MGST1: variants seen among roughly 807,000 people sequenced by gnomAD.
MGST1 encodes microsomal glutathione S-transferase 1, also known as glutathione S-transferase 12.
In MGST1, 5 loss-of-function variants were observed where a neutral mutation model predicts 8.9. That is an observed-to-expected ratio of 0.56 (90% CI 0.29 to 1.19). The LOEUF (loss-of-function observed/expected upper bound fraction) is 1.19, where lower values mean the gene tolerates loss of function less well. Among genes scored for constraint, MGST1 ranks in the 50% most tolerant of loss-of-function variants. The probability of loss-of-function intolerance (pLI) is 0.08; values close to 1 mark genes in which losing one functional copy is unlikely to be tolerated. For missense variants in MGST1, 182 were observed against 187.4 expected (o/e 0.97, Z 0.17); for synonymous variants, 54 against 67.8 (o/e 0.80, Z 1.00).
chr12:16,444,040 G>A (rs537098720), intron 4 of MGST1, among the ~76,000 whole-genome samples: 13 of 151,970 alleles, frequency 8.6e-5, no homozygotes, highest in Non-Finnish European at 1.5e-4. Flanking sequence ...GTCAGATAGC[G>A]TAGCCAGATT....
intron 1 of MGST1, among the ~76,000 whole-genome samples, chr12:16,397,705 G>C (rs1940617237): frequency 6.7e-6 from 1 of 149,958 alleles, no homozygotes; most frequent in South Asian, 2.1e-4. Context: ...CTAATGATCA[G>C]TAATGATCAG....
In MGST1 at chr12:16,479,535, C is replaced by CTTTTTTT. The variant is rs71054820; in HGVS notation, n.482+95941_482+95947dup. 6.5e-4 allele frequency among the ~76,000 whole-genome samples: 73 copies of CTTTTTTT among 113,060 alleles called. 3 individuals carry two copies. Among genetic ancestry groups the CTTTTTTT allele is most frequent in the African/African-American group, 1.4e-3 (37 of 26,036 alleles). The allele number at this position is 113,060 out of a possible 152,430, so 74.2% of individuals were successfully genotyped here. A position where few individuals can be genotyped will look rare whatever the true frequency, so the allele number is the denominator to read the frequency against. On this transcript the variant is annotated intron_variant and non_coding_transcript_variant, in intron 4 of 4. Transcript: ENST00000538857. ...AGGCGTGAGCCACTGCGCCCGGCCTCTTTTTTTTTTTTTTTTGAGACAGGG... is the reference window on the plus strand; with the variant it reads ...AGGCGTGAGCCACTGCGCCCGGCCTCTTTTTTTTTTTTTTTTTTTTTTTGAGACAGGG...
At chr12:16,439,805 C>T (rs183938982), downstream of MGST1, among the ~76,000 whole-genome samples, 475 of 151,760 alleles carry the variant, frequency 3.1e-3, 3 homozygotes, top group African/African-American at 0.01. Context: ...AATTAGAAAC[C>T]TTACTCATAT....
At chr12:16,487,796 A>T (rs1206717325) in intron 4 of MGST1, among the ~76,000 whole-genome samples, 1 of 152,166 alleles carries the variant, frequency 6.6e-6, no homozygotes, top group East Asian at 1.9e-4. Context: ...ACAGGTGTGC[A>T]CAACCACACC....
chr12:16,396,768 T>C (rs1249538211), intron 1 of MGST1, among the ~76,000 whole-genome samples: 1 of 152,094 alleles, frequency 6.6e-6, no homozygotes, highest in East Asian at 1.9e-4. Context: ...TACAAAACAA[T>C]GCTGAAAGAA....
chr12:16,457,001 C>T (rs1666515444), intron 4 of MGST1, among the ~76,000 whole-genome samples: 1 of 151,878 alleles, frequency 6.6e-6, no homozygotes, highest in Non-Finnish European at 1.5e-5. Context: ...CACGCGTGTC[C>T]TAAACCTGAC....
intron 4 of MGST1, among the ~76,000 whole-genome samples, chr12:16,469,680 G>A (rs1941280287): frequency 6.6e-6 from 1 of 152,138 alleles, no homozygotes; most frequent in African/African-American, 2.4e-5. Context: ...CTAAGGCTGT[G>A]GTCTTCACTG....
At chr12:16,404,510 C>T (rs1046181765) in intron 1 of MGST1, among the ~76,000 whole-genome samples, 1 of 151,472 alleles carries the variant, frequency 6.6e-6, no homozygotes, top group East Asian at 1.9e-4. Flanking sequence ...ATTCTTTTTT[C>T]TCTATTAGTA....
At chr12:16,469,920 A>C (rs1941281412) in intron 4 of MGST1, among the ~76,000 whole-genome samples, 1 of 152,194 alleles carries the variant, frequency 6.6e-6, no homozygotes, top group Non-Finnish European at 1.5e-5. Context: ...TAAATTGAGG[A>C]AAGAGATTGT....
rs546850109 is a variant in MGST1, at chr12:16,426,315, A to G, written n.779-11073A>G. On this transcript the variant is annotated intron_variant and non_coding_transcript_variant, in intron 1 of 1. Transcript: ENST00000359720. ...TGTAACAACTGTTCATTTTGATTGG[A>G]ATGCTCATTCACTGCACTTTTCTGA... Among the ~76,000 whole-genome samples, 7 of 152,276 alleles carry G rather than the reference A, an allele frequency of 4.6e-5. No individual in the cohort carries two copies. In the South Asian group the frequency reaches 8.3e-4, roughly 18 times the overall value.
Position 16,571,179 on chromosome 12 carries a change from T to C in MGST1, n.483-18349T>C, listed in dbSNP as rs191355601. Among the ~76,000 whole-genome samples, 5 of 152,212 alleles carry C rather than the reference T, an allele frequency of 3.3e-5. No homozygotes were observed. In the East Asian group the frequency reaches 7.7e-4, roughly 23 times the overall value. The stretch of plus-strand genomic sequence containing the variant: ...AGGGTTTGGGGCATTGTGTCACCTA[T>C]TGTATAAGTTAAATTTTCCAAAGAA... On this transcript the variant is annotated intron_variant and non_coding_transcript_variant, in intron 4 of 4. Transcript: ENST00000538857.
chr12:16,353,064 C>T (rs542455479), intron 1 of MGST1, among the ~76,000 whole-genome samples: 1 of 151,794 alleles, frequency 6.6e-6, no homozygotes, highest in African/African-American at 2.4e-5. Context: ...GACAGAGTCT[C>T]ACTCTGTCAC....
At chr12:16,384,870 AAGGCAGCTGATGGCTGCGAAGCAGT>A (rs1940491168) in intron 1 of MGST1, among the ~76,000 whole-genome samples, 1 of 152,236 alleles carries the variant, frequency 6.6e-6, no homozygotes, top group African/African-American at 2.4e-5. Context: ...TGGGATGCAG[AAGGCAGCTGATGGCTGCGAAGCAGT>A]AGGCCTATCA....
intron 4 of MGST1, among the ~76,000 whole-genome samples, chr12:16,451,006 A>G (rs1427188621): frequency 2.0e-5 from 3 of 151,922 alleles, no homozygotes; most frequent in South Asian, 4.1e-4. Context: ...ATTAATAAAT[A>G]CTGTTTAGGA....
chr12:16,491,877 T>C (rs1052007862), intron 4 of MGST1, among the ~76,000 whole-genome samples: 1 of 152,226 alleles, frequency 6.6e-6, no homozygotes, highest in Non-Finnish European at 1.5e-5. Flanking sequence ...GCCGGTGTTT[T>C]AGTAGTCATT....
At chr12:16,554,975 G>C (rs1942140438) in intron 4 of MGST1, among the ~76,000 whole-genome samples, 1 of 152,120 alleles carries the variant, frequency 6.6e-6, no homozygotes, top group Admixed American at 6.5e-5. Context: ...TTTAAATCTT[G>C]AGTCTACCAC....
downstream of MGST1, among the ~76,000 whole-genome samples, chr12:16,365,322 A>G (rs9332952): frequency 0.58 from 88,273 of 151,980 alleles, 26,263 homozygotes; most frequent in East Asian, 0.96. Flanking sequence ...AGCTTTTAAA[A>G]TATCAGTTTT....
intron 4 of MGST1, among the ~76,000 whole-genome samples, chr12:16,456,972 TTCCAG>T (rs1300466338): frequency 6.6e-6 from 1 of 151,974 alleles, no homozygotes; most frequent in African/African-American, 2.4e-5. Context: ...ACTCTGTTCC[TTCCAG>T]TCCATCCTAA....
At chr12:16,507,679 G>T (rs11056962) in intron 4 of MGST1, among the ~76,000 whole-genome samples, 1 of 152,118 alleles carries the variant, frequency 6.6e-6, no homozygotes, top group Non-Finnish European at 1.5e-5. Context: ...GGGAGGGCAA[G>T]CACATCTTTA....
Sources: allele counts gnomAD v4.1 joint callset (sites outside exome capture counted in the v4.1 genomes callset), GRCh38; gene constraint gnomAD v4.1.1; transcripts MANE v1.5; gene names NCBI Gene and HGNC (gene_info 2026-07-23, HGNC 2026-07-21).